Variants in CCNY observed in about 807,000 individuals in gnomAD.
CCNY encodes the protein cyclin-Y.
In CCNY, 19 loss-of-function variants were observed where a neutral mutation model predicts 42.8. The observed-to-expected ratio is 0.44, with a 90% CI of 0.31 to 0.65. CCNY has a LOEUF of 0.65. Ranked by LOEUF, CCNY falls within the 30% of genes least tolerant of loss-of-function variation. The pLI, the probability that CCNY is intolerant of heterozygous loss-of-function variation, is 0.07. For synonymous variants in CCNY, 165 were observed against 162.7 expected, an observed-to-expected ratio of 1.01 and a Z score of -0.11; for missense variants, 370 against 437.3, an observed-to-expected ratio of 0.85 and a Z score of 1.37.
chr10:35,482,992 C>T (rs1213736270), intron 1 of CCNY, among the ~76,000 whole-genome samples: 1 of 152,098 alleles, frequency 6.6e-6, no homozygotes, highest in Non-Finnish European at 1.5e-5. Flanking sequence ...TTCGCCCTAA[C>T]GAGTTGAGAT....
chr10:35,466,408 G>A (rs1839270651), intron 1 of CCNY, among the ~76,000 whole-genome samples: 1 of 152,160 alleles, frequency 6.6e-6, no homozygotes, highest in Non-Finnish European at 1.5e-5. Flanking sequence ...AGTGTGCGGT[G>A]AAGAGATACG....
rs571973808 is a variant in CCNY, at chr10:35,354,264, C to T, written c.154+17057C>T. ...GTATTGGCGGGATCTCAGCTCACTG[C>T]AACCTCTGTCTCCTGGGTTCAAGAG... On this transcript the variant is annotated intron_variant, in intron 1 of 9. Coordinates refer to ENST00000374704, the MANE Select transcript of CCNY (RefSeq NM_145012.6). 1.0e-3 allele frequency among the ~76,000 whole-genome samples: 156 copies of T among 150,902 alleles called. 1 individual carries two copies. Among genetic ancestry groups the T allele is most frequent in the African/African-American group, 3.6e-3 (148 of 41,002 alleles).
At chr10:35,492,840 A>T (rs1477286676) in intron 2 of CCNY, among the ~76,000 whole-genome samples, 4 of 152,196 alleles carry the variant, frequency 2.6e-5, no homozygotes, top group African/African-American at 9.6e-5. Context: ...TTAGAAAACG[A>T]CACATCCATT....
chr10:35,531,757 A>G (rs913064140), intron 7 of CCNY, among the ~76,000 whole-genome samples: 13 of 152,368 alleles, frequency 8.5e-5, no homozygotes, highest in Admixed American at 7.8e-4. Context: ...TTAATTCCTA[A>G]GAAAAATATG....
intron 3 of CCNY, among the ~76,000 whole-genome samples, chr10:35,278,305 G>C (rs1445686275): frequency 1.3e-5 from 2 of 152,122 alleles, no homozygotes; most frequent in Non-Finnish European, 2.9e-5. Flanking sequence ...CAAGGGAGAG[G>C]AGAGAGCACA....
At chr10:35,483,683 C>A (rs970780344) in intron 2 of CCNY, among the ~76,000 whole-genome samples, 1 of 152,110 alleles carries the variant, frequency 6.6e-6, no homozygotes, top group Non-Finnish European at 1.5e-5. Context: ...AGCATCTATC[C>A]TCATTTTGTC....
chr10:35,503,909 T>C (rs1465764972), intron 3 of CCNY, among the ~76,000 whole-genome samples: 5 of 152,236 alleles, frequency 3.3e-5, no homozygotes, highest in Non-Finnish European at 7.3e-5. Context: ...TATCTGAACT[T>C]AGAGATAACA....
At chr10:35,332,991 G>A (rs1835964074), upstream of CCNY, among the ~76,000 whole-genome samples, 1 of 152,074 alleles carries the variant, frequency 6.6e-6, no homozygotes, top group Non-Finnish European at 1.5e-5. Context: ...ATTCCCAAAT[G>A]ATTCTTTCTG....
At chr10:35,559,848 CA>C (rs1302544109) in intron 8 of CCNY, among the ~76,000 whole-genome samples, 4 of 152,222 alleles carry the variant, frequency 2.6e-5, no homozygotes, top group African/African-American at 9.6e-5. Context: ...TCCTTGGCTC[CA>C]GGGGGTTAGG....
intron 3 of CCNY, among the ~76,000 whole-genome samples, chr10:35,321,855 A>C (rs1226319398): frequency 6.6e-6 from 1 of 152,232 alleles, no homozygotes; most frequent in Non-Finnish European, 1.5e-5. Flanking sequence ...CAACATTTGG[A>C]TCAATGGAAC....
intron 1 of CCNY, among the ~76,000 whole-genome samples, chr10:35,368,057 G>A (rs906756114): frequency 6.6e-5 from 10 of 152,230 alleles, no homozygotes; most frequent in Admixed American, 6.5e-4. Flanking sequence ...TTGAAAGATT[G>A]GATAGAGTCT....
At chr10:35,453,325 T>C (rs548664668) in intron 1 of CCNY, among the ~76,000 whole-genome samples, 1 of 152,366 alleles carries the variant, frequency 6.6e-6, no homozygotes, top group East Asian at 1.9e-4. Flanking sequence ...TTATAAAAAC[T>C]ATTGATTATT....
chr10:35,486,722 A>C (rs1348289950), intron 2 of CCNY, among the ~76,000 whole-genome samples: 1 of 152,136 alleles, frequency 6.6e-6, no homozygotes, highest in Non-Finnish European at 1.5e-5. Flanking sequence ...TTCCCAGCCA[A>C]CTTCCTCTCT....
intron 1 of CCNY, among the ~76,000 whole-genome samples, chr10:35,378,874 T>G (rs1268768018): frequency 6.6e-6 from 1 of 152,210 alleles, no homozygotes; most frequent in Non-Finnish European, 1.5e-5. Context: ...CCTGAGCCTC[T>G]GCTTCCTAAC....
intron 3 of CCNY, among the ~76,000 whole-genome samples, chr10:35,303,329 C>G (rs1788301026): frequency 6.6e-6 from 1 of 151,618 alleles, no homozygotes; most frequent in South Asian, 2.1e-4. Context: ...TACAGGCATG[C>G]ACCATGACGC....
intron 3 of CCNY, among the ~76,000 whole-genome samples, chr10:35,314,386 A>G (rs981836471): frequency 9.9e-5 from 15 of 152,128 alleles, no homozygotes; most frequent in Middle Eastern, 3.4e-3. Flanking sequence ...CAAACCATCA[A>G]CTCTCATGAG....
At chr10:35,398,802 T>A (rs1272073947) in intron 1 of CCNY, among the ~76,000 whole-genome samples, 1 of 152,234 alleles carries the variant, frequency 6.6e-6, no homozygotes, top group Non-Finnish European at 1.5e-5. Context: ...ACTGAAAATA[T>A]GCTCAATTTT....
rs528165610 is a variant in CCNY at position 35,474,395 on chromosome 10, C to A, written c.155-9009C>A. Among the ~76,000 whole-genome samples the A allele has an allele frequency of 6.6e-5, 10 of 152,348 alleles. No homozygotes were observed. In the East Asian group the frequency reaches 1.9e-3, roughly 29 times the overall value. On this transcript the variant is annotated intron_variant, in intron 1 of 9. Coordinates refer to ENST00000374704, the MANE Select transcript of CCNY (RefSeq NM_145012.6). ...GTAACCTCTGCAGACTTAAATGTCC[C>A]TGTCTGACAGCTTTGAAGAGAGCAG...
At chr10:35,559,517 A>G (rs1564458415) in intron 8 of CCNY, among the ~76,000 whole-genome samples, 1 of 152,244 alleles carries the variant, frequency 6.6e-6, no homozygotes, top group Non-Finnish European at 1.5e-5. Flanking sequence ...ATATGGCAAA[A>G]AAATGGGAAA....
Sources: allele counts gnomAD v4.1 joint callset (sites outside exome capture counted in the v4.1 genomes callset), GRCh38; gene constraint gnomAD v4.1.1; transcripts MANE v1.5; gene names NCBI Gene and HGNC (gene_info 2026-07-23, HGNC 2026-07-21).